GRK5: variants seen among roughly 807,000 people sequenced by gnomAD.
GRK5 encodes the protein g protein-coupled receptor kinase GRK5.
A neutral mutation model predicts 78.4 loss-of-function variants in GRK5; 40 were observed. That is an observed-to-expected ratio of 0.51 (90% CI 0.40 to 0.66). GRK5 has a LOEUF of 0.66. GRK5 is among the 30% of genes least tolerant of loss of function. The probability of loss-of-function intolerance (pLI) is 0.00; values close to 1 mark genes in which losing one functional copy is unlikely to be tolerated. For synonymous variants in GRK5, 289 were observed against 296.8 expected, an observed-to-expected ratio of 0.97 and a Z score of 0.27; for missense variants, 598 against 759.9, an observed-to-expected ratio of 0.79 and a Z score of 2.50.
chr10:119,385,538 G>A (rs1347455852), intron 3 of GRK5, among the ~76,000 whole-genome samples: 1 of 152,224 alleles, frequency 6.6e-6, no homozygotes, highest in Non-Finnish European at 1.5e-5. Context: ...AGCAGTCCAG[G>A]TGAGAGCAGC....
chr10:119,231,944 A>G (rs950562941), intron 1 of GRK5, among the ~76,000 whole-genome samples: 4 of 152,228 alleles, frequency 2.6e-5, no homozygotes, highest in Admixed American at 1.3e-4. Context: ...AACTACAACT[A>G]GAACTACCAT....
intron 6 of GRK5, among the ~76,000 whole-genome samples, chr10:119,426,865 T>TCGCCATCAACAGCATCAC (rs1421137887): frequency 3.5e-4 from 17 of 48,032 alleles, no homozygotes; most frequent in Admixed American, 1.2e-3. Flanking sequence ...ATCAGTATCA[T>TCGCCATCAACAGCATCAC]TGCCATCAAC....
chr10:119,420,723 C>A (rs960367479), intron 4 of GRK5, among the ~76,000 whole-genome samples: 1 of 152,074 alleles, frequency 6.6e-6, no homozygotes, highest in Non-Finnish European at 1.5e-5. Context: ...AGACTACAGG[C>A]AAGCCACCAT....
chr10:119,228,597 G>A (rs952447069), intron 1 of GRK5, among the ~76,000 whole-genome samples: 5 of 152,070 alleles, frequency 3.3e-5, no homozygotes, highest in African/African-American at 1.2e-4. Context: ...CTCCAGCCTG[G>A]GGTGACGAGT....
In GRK5 at chr10:119,285,689, G is replaced by C. The variant is rs568293909; in HGVS notation, c.53-40827G>C. Reference sequence around the variant, plus strand: ...CACTGGGTGATGCAGAAATGGGGCGGTGACACGGTAAAAGGAGCGGTGGCA... The same window carrying C: ...CACTGGGTGATGCAGAAATGGGGCGCTGACACGGTAAAAGGAGCGGTGGCA... On this transcript the variant is annotated intron_variant, in intron 1 of 15. Coordinates refer to ENST00000392870, the MANE Select transcript of GRK5 (RefSeq NM_005308.3). Among the ~76,000 whole-genome samples the C allele has an allele frequency of 1.4e-4, 21 of 152,298 alleles. No homozygotes were observed. In the South Asian group the frequency reaches 4.3e-3, roughly 32 times the overall value.
At chr10:119,406,120 A>G (rs1011648994) in intron 4 of GRK5, among the ~76,000 whole-genome samples, 2 of 152,218 alleles carry the variant, frequency 1.3e-5, no homozygotes, top group African/African-American at 4.8e-5. Flanking sequence ...CTACTTCATG[A>G]TGGAAGGCTT....
intron 1 of GRK5, among the ~76,000 whole-genome samples, chr10:119,298,854 C>A (rs540662307): frequency 2.6e-5 from 4 of 152,316 alleles, no homozygotes; most frequent in Admixed American, 6.5e-5. Context: ...CCAGCCACAT[C>A]CCCCACTCCT....
At chr10:119,295,501 A>G (rs772709010) in intron 1 of GRK5, among the ~76,000 whole-genome samples, 1 of 152,202 alleles carries the variant, frequency 6.6e-6, no homozygotes, top group Non-Finnish European at 1.5e-5. Context: ...CATTATATGG[A>G]AAAGATAGTT....
intron 1 of GRK5, among the ~76,000 whole-genome samples, chr10:119,280,484 G>A (rs1448553769): frequency 6.6e-6 from 1 of 152,116 alleles, no homozygotes; most frequent in East Asian, 1.9e-4. Context: ...TGATGGCTCT[G>A]GTCAGCTGTC....
At chr10:119,209,222 C>A (rs180957483) in intron 1 of GRK5, among the ~76,000 whole-genome samples, 30 of 152,290 alleles carry the variant, frequency 2.0e-4, no homozygotes, top group African/African-American at 7.2e-4. Flanking sequence ...TGATGCATAG[C>A]CTTCCGTGGG....
chr10:119,223,897 C>T (rs1221043340), intron 1 of GRK5, among the ~76,000 whole-genome samples: 1 of 151,940 alleles, frequency 6.6e-6, no homozygotes, highest in Non-Finnish European at 1.5e-5. Context: ...CCCATTAGGT[C>T]CTGGTTCTGC....
At chr10:119,263,323 A>G (rs1374748810) in intron 1 of GRK5, among the ~76,000 whole-genome samples, 2 of 151,992 alleles carry the variant, frequency 1.3e-5, no homozygotes, top group African/African-American at 2.4e-5. Context: ...GTACATTCTT[A>G]TATCAAAGGC....
At chr10:119,419,169 A>G (rs1852521078) in intron 4 of GRK5, among the ~76,000 whole-genome samples, 1 of 152,148 alleles carries the variant, frequency 6.6e-6, no homozygotes, top group Non-Finnish European at 1.5e-5. Context: ...ACTGCATGGA[A>G]TTCTCCTGCC....
At chr10:119,265,464 A>G (rs1849478881) in intron 1 of GRK5, among the ~76,000 whole-genome samples, 1 of 152,192 alleles carries the variant, frequency 6.6e-6, no homozygotes. Flanking sequence ...TGGGGCCTCC[A>G]TGATGGGATT....
chr10:119,441,966 C>A (rs753350829), intron 10 of GRK5, 33 bp from the exon 11 acceptor site: 3 of 1,581,296 alleles, frequency 1.9e-6, no homozygotes, highest in Non-Finnish European at 2.6e-6. Flanking sequence ...TGCGGCTGTC[C>A]CAGGGACCCA....
At chr10:119,343,745 C>T (rs1020204334) in intron 2 of GRK5, among the ~76,000 whole-genome samples, 6 of 152,120 alleles carry the variant, frequency 3.9e-5, no homozygotes, top group African/African-American at 1.2e-4. Context: ...GTCCTTGCCC[C>T]GCAGATAGTA....
Position 119,455,495 on chromosome 10 carries a change from G to T in GRK5, c.*428G>T. ...GGTGTATATTTTCTGTGCAGCCACT[G>T]TTAAGCCATGTGTTCCAAGGCATTT... is the stretch of plus-strand genomic sequence containing the variant. On this transcript the variant is annotated 3_prime_UTR_variant, in exon 16 of 16. Coordinates refer to ENST00000392870, the MANE Select transcript of GRK5 (RefSeq NM_005308.3). 3.0e-6 allele frequency: 1 copy of T among 335,654 alleles called. No homozygotes were observed. Among genetic ancestry groups the T allele is most frequent in the East Asian group, 9.0e-5 (1 of 11,082 alleles). 20.8% of individuals were successfully genotyped at this position (335,654 alleles called of 1,614,324 possible). A position where few individuals can be genotyped will look rare whatever the true frequency, so the allele number is the denominator to read the frequency against.
intron 1 of GRK5, among the ~76,000 whole-genome samples, chr10:119,292,963 C>G (rs776203630): frequency 6.6e-6 from 1 of 152,092 alleles, no homozygotes; most frequent in African/African-American, 2.4e-5. Flanking sequence ...AAAGCACCCT[C>G]TAATCATTGA....
chr10:119,315,585 G>A (rs1271912100), intron 1 of GRK5, among the ~76,000 whole-genome samples: 1 of 152,230 alleles, frequency 6.6e-6, no homozygotes, highest in East Asian at 1.9e-4. Flanking sequence ...AACACCCACA[G>A]CCTCCCCACG....
Sources: allele counts gnomAD v4.1 joint callset (sites outside exome capture counted in the v4.1 genomes callset), GRCh38; gene constraint gnomAD v4.1.1; transcripts MANE v1.5; gene names NCBI Gene and HGNC (gene_info 2026-07-23, HGNC 2026-07-21).